The following CYRIB variants were observed in gnomAD, a reference collection of about 807,000 sequenced individuals.
CYRIB encodes CYFIP related Rac1 interactor B, also known as CYFIP-related Rac1 interactor B.
CYRIB carries 8 observed loss-of-function variants against 44.2 expected under a neutral mutation model. The observed-to-expected ratio is 0.18, with a 90% CI of 0.11 to 0.33. The LOEUF is 0.33. Among genes scored for constraint, CYRIB ranks in the 10% least tolerant of loss-of-function variants. The pLI, the probability that CYRIB is intolerant of heterozygous loss-of-function variation, is 1.00. For synonymous variants in CYRIB, 131 were observed against 127.2 expected, an observed-to-expected ratio of 1.03 and a Z score of -0.20; for missense variants, 185 against 382.8, an observed-to-expected ratio of 0.48 and a Z score of 4.31.
At chr8:130,011,884 C>T (rs7013752) in intron 1 of CYRIB, among the ~76,000 whole-genome samples, 4,424 of 151,910 alleles carry the variant, frequency 0.029, 206 homozygotes, top group African/African-American at 0.097. Flanking sequence ...ACGCTGAGGC[C>T]TGGCAGAGTC....
At chr8:130,015,532 GCCCCAGCTCTATCCCTCCGCAC>G (rs1014290618) in intron 1 of CYRIB, among the ~76,000 whole-genome samples, 1 of 152,128 alleles carries the variant, frequency 6.6e-6, no homozygotes, top group African/African-American at 2.4e-5. Context: ...CTCCCCCGCA[GCCCCAGCTCTATCCCTCCGCAC>G]CCCTCCACCT....
rs369665802 is a variant in CYRIB at position 129,930,365 on chromosome 8, T to TTTTATATA, written c.-50+9242_-50+9243insTATATAAA. Among the ~76,000 whole-genome samples the TTTTATATA allele has an allele frequency of 1.9e-3, 94 of 50,418 alleles. 13 individuals are homozygous for TTTTATATA. The highest frequency in any genetic ancestry group is 7.1e-4 in the South Asian group (1 of 1,412). The allele number at this position is 50,418 out of a possible 152,430, so 33.1% of individuals were successfully genotyped here. ...TCAACTAGGAAGAATTGTGAAGTGC[T>TTTTATATA]TATATATATATATATTTTAATTATT... On this transcript the variant is annotated intron_variant, in intron 1 of 11. Coordinates refer to ENST00000519824, the Ensembl canonical transcript of CYRIB.
chr8:129,877,099 C>A (rs113318311), intron 3 of CYRIB, among the ~76,000 whole-genome samples: 3 of 151,852 alleles, frequency 2.0e-5, no homozygotes, highest in South Asian at 2.1e-4. Flanking sequence ...TAAGATAATG[C>A]CAATGTTAGA....
At chr8:129,880,600 A>G (rs988759285) in intron 2 of CYRIB, 2 of 197,234 alleles carry the variant, frequency 1.0e-5, no homozygotes, top group African/African-American at 4.7e-5. Flanking sequence ...TGGAACAACA[A>G]AAGCACATTT....
At chr8:129,961,369 G>A (rs1158680829) in intron 2 of CYRIB, among the ~76,000 whole-genome samples, 2 of 152,200 alleles carry the variant, frequency 1.3e-5, no homozygotes, top group Non-Finnish European at 1.5e-5. Context: ...CTGGGAGGAT[G>A]AGAACAGGTG....
chr8:129,866,092 A>G (rs900702021), intron 4 of CYRIB, among the ~76,000 whole-genome samples: 1 of 152,208 alleles, frequency 6.6e-6, no homozygotes, highest in South Asian at 2.1e-4. Flanking sequence ...TGAAGCCAGT[A>G]TAAGTTCCTG....
At chr8:129,986,937 C>T (rs1360911874) in intron 1 of CYRIB, among the ~76,000 whole-genome samples, 1 of 152,094 alleles carries the variant, frequency 6.6e-6, no homozygotes, top group East Asian at 1.9e-4. Context: ...GGCACATTAC[C>T]TAGAGGAGGA....
intron 1 of CYRIB, among the ~76,000 whole-genome samples, chr8:130,002,084 G>A (rs1350946203): frequency 1.3e-5 from 2 of 152,092 alleles, no homozygotes; most frequent in Non-Finnish European, 2.9e-5. Context: ...AACTGTTTTT[G>A]TTGTATATCT....
intron 2 of CYRIB, chr8:129,880,232 T>C: frequency 3.6e-6 from 1 of 280,950 alleles, no homozygotes; most frequent in Non-Finnish European, 5.4e-6. Context: ...GATGTTTGCC[T>C]ACGATTAAGA....
At chr8:129,913,281 C>T (rs759518843) in intron 1 of CYRIB, among the ~76,000 whole-genome samples, 2 of 152,110 alleles carry the variant, frequency 1.3e-5, no homozygotes, top group Non-Finnish European at 2.9e-5. Context: ...GCTCCACTTT[C>T]AAAATCATGC....
At chr8:129,846,024 C>T (rs757772548) in intron 11 of CYRIB, among the ~76,000 whole-genome samples, 1 of 151,966 alleles carries the variant, frequency 6.6e-6, no homozygotes, top group Non-Finnish European at 1.5e-5. Context: ...CCCAGCTACT[C>T]GGGAGGCTGA....
chr8:129,969,617 G>A (rs1487342664), intron 2 of CYRIB, among the ~76,000 whole-genome samples: 1 of 152,186 alleles, frequency 6.6e-6, no homozygotes, highest in Non-Finnish European at 1.5e-5. Context: ...TCAGGTTGGA[G>A]ACAAACAAAC....
intron 2 of CYRIB, among the ~76,000 whole-genome samples, chr8:129,962,501 G>T (rs2095306304): frequency 1.3e-5 from 2 of 152,156 alleles, no homozygotes; most frequent in Admixed American, 1.3e-4. Flanking sequence ...GTCAATTAAA[G>T]TGTCTAGCCC....
intron 2 of CYRIB, among the ~76,000 whole-genome samples, chr8:129,889,962 T>C (rs571461253): frequency 2.0e-5 from 3 of 152,012 alleles, no homozygotes; most frequent in African/African-American, 7.3e-5. Flanking sequence ...TTAGTAGAGA[T>C]AGGGTTTCAC....
chr8:129,948,890 C>T (rs1466430189), intron 2 of CYRIB: 1 of 152,226 alleles, frequency 6.6e-6, no homozygotes, highest in African/African-American at 2.4e-5. Context: ...CATGAGGAGA[C>T]CCTGTATGTA....
At chr8:129,859,469 C>A (rs1382479922) in intron 5 of CYRIB, among the ~76,000 whole-genome samples, 1 of 152,032 alleles carries the variant, frequency 6.6e-6, no homozygotes, top group African/African-American at 2.4e-5. Context: ...TAAACTCCCC[C>A]GGGGAAAGGG....
chr8:129,840,597 T>A (rs2035864250), exon 12 of CYRIB: 1 of 152,186 alleles, frequency 6.6e-6, no homozygotes, highest in South Asian at 2.1e-4. Flanking sequence ...GAAGGCTTCA[T>A]GAAGGAGGTA....
chr8:129,878,233 T>A (rs1265385510), intron 3 of CYRIB, among the ~76,000 whole-genome samples: 1 of 152,196 alleles, frequency 6.6e-6, no homozygotes, highest in Non-Finnish European at 1.5e-5. Flanking sequence ...CTGTAACAGA[T>A]CCTTTATAGA....
chr8:129,863,598 C>T (rs909043042), intron 4 of CYRIB, among the ~76,000 whole-genome samples: 1 of 151,716 alleles, frequency 6.6e-6, no homozygotes, highest in African/African-American at 2.4e-5. Flanking sequence ...AAATCCTATC[C>T]TATTCTAGAT....
Sources: gnomAD v4.1 joint callset for allele counts (sites outside exome capture counted in the v4.1 genomes callset) on GRCh38, gnomAD v4.1.1 for gene constraint, MANE v1.5 for transcripts, NCBI Gene and HGNC (gene_info 2026-07-23, HGNC 2026-07-21) for gene names.